The following AKT3 variants were observed in gnomAD, a reference collection of about 807,000 sequenced individuals.
AKT3 encodes the protein AKT serine/threonine kinase 3.
Under a neutral mutation model 65.3 loss-of-function variants are expected in AKT3, and 15 were observed. The ratio of observed to expected loss-of-function variants is 0.23; its 90% CI spans 0.15 to 0.35. The LOEUF is 0.35. Among genes scored for constraint, AKT3 ranks in the 10% least tolerant of loss-of-function variants. The pLI is 1.00. For missense variants in AKT3, 243 were observed against 576.5 expected, an observed-to-expected ratio of 0.42 and a Z score of 5.92; for synonymous variants, 206 against 183.8, an observed-to-expected ratio of 1.12 and a Z score of -0.98.
intron 10 of AKT3, among the ~76,000 whole-genome samples, chr1:243,553,649 G>A (rs1349719010): frequency 6.6e-6 from 1 of 152,058 alleles, no homozygotes; most frequent in Non-Finnish European, 1.5e-5. Context: ...TATCTGTGTG[G>A]TATATGTCCT....
At chr1:243,521,079 T>A (rs949553598) in intron 12 of AKT3, among the ~76,000 whole-genome samples, 1 of 152,194 alleles carries the variant, frequency 6.6e-6, no homozygotes, top group Non-Finnish European at 1.5e-5. Flanking sequence ...CTATCAGATA[T>A]CTATATTCTT....
intron 2 of AKT3, among the ~76,000 whole-genome samples, chr1:243,804,082 A>G (rs1572377949): frequency 6.6e-6 from 1 of 152,214 alleles, no homozygotes; most frequent in Non-Finnish European, 1.5e-5. Flanking sequence ...AGATCCACGC[A>G]TGCCTGAGAT....
intron 4 of AKT3, among the ~76,000 whole-genome samples, chr1:243,646,499 C>T (rs1041573558): frequency 1.2e-4 from 19 of 152,072 alleles, no homozygotes; most frequent in East Asian, 5.8e-4. Flanking sequence ...GGATTACAGG[C>T]GTGTGACACA....
chr1:243,841,161 T>C (rs189705539), intron 2 of AKT3, among the ~76,000 whole-genome samples: 1 of 136,716 alleles, frequency 7.3e-6, no homozygotes, highest in African/African-American at 2.5e-5. Context: ...ATTAGAAAAA[T>C]GATGGCAAAT....
intron 2 of AKT3, among the ~76,000 whole-genome samples, chr1:243,833,938 T>C (rs1694710723): frequency 6.6e-6 from 1 of 151,898 alleles, no homozygotes. Flanking sequence ...TATACGATTT[T>C]TAAAACTGTA....
intron 3 of AKT3, among the ~76,000 whole-genome samples, chr1:243,688,109 A>C (rs927194570): frequency 6.6e-6 from 1 of 152,190 alleles, no homozygotes; most frequent in African/African-American, 2.4e-5. Flanking sequence ...AAATATGTAC[A>C]TCTAATATGT....
intron 6 of AKT3, among the ~76,000 whole-genome samples, chr1:243,637,391 TAAGAG>T (rs1359145253): frequency 1.3e-5 from 2 of 152,080 alleles, no homozygotes; most frequent in African/African-American, 2.4e-5. Flanking sequence ...TCTATTTCCT[TAAGAG>T]AATAGCTTTA....
chr1:243,715,019 A>G (rs1686412962), intron 2 of AKT3, among the ~76,000 whole-genome samples: 1 of 152,126 alleles, frequency 6.6e-6, no homozygotes, highest in Non-Finnish European at 1.5e-5. Flanking sequence ...ACTGGTTTGA[A>G]TTTCTACAGC....
At chr1:243,614,655 A>G (rs952323509) in intron 7 of AKT3, among the ~76,000 whole-genome samples, 1 of 152,160 alleles carries the variant, frequency 6.6e-6, no homozygotes, top group African/African-American at 2.4e-5. Flanking sequence ...TCTATAAAAT[A>G]TATTCGATAA....
chr1:243,515,181 A>C (rs10737888), intron 12 of AKT3, among the ~76,000 whole-genome samples: 53,128 of 152,016 alleles, frequency 0.35, 12,255 homozygotes, highest in African/African-American at 0.66. Context: ...CACAATGGAC[A>C]CACTCATCTG....
chr1:243,645,428 T>C (rs893508004), intron 5 of AKT3, among the ~76,000 whole-genome samples: 2 of 152,190 alleles, frequency 1.3e-5, no homozygotes, highest in African/African-American at 2.4e-5. Flanking sequence ...AGCCATTAAA[T>C]AAGAGTTATT....
At chr1:243,488,650 C>T (rs1436908255) in intron 13 of AKT3, among the ~76,000 whole-genome samples, 1 of 152,198 alleles carries the variant, frequency 6.6e-6, no homozygotes, top group African/African-American at 2.4e-5. Flanking sequence ...CCGGGGCGGC[C>T]GTCTGCTCAG....
At position 243,510,895 on chromosome 1, in the gene AKT3, G is replaced by A. The variant is rs528257836; in HGVS notation, c.1354+1429C>T. 7.9e-4 allele frequency among the ~76,000 whole-genome samples: 120 copies of A among 152,380 alleles called. No homozygotes were observed. The South Asian group carries it at 0.01, about 13-fold the overall frequency. ...GTATGGCAGGAACTGCCCATGGGCC[G>A]ATCCGAAAACTCACTGGTGTTACCC... is the stretch of plus-strand genomic sequence containing the variant. On this transcript the variant is annotated intron_variant, in intron 13 of 13. Transcript: ENST00000673466.
At position 243,493,085 on chromosome 1, in the gene AKT3, C is replaced by G. The variant is rs891385551; in HGVS notation, c.*7-4635G>C. On this transcript the variant is annotated intron_variant, in intron 13 of 13. Coordinates refer to the AKT3 transcript ENST00000336199. ...CCAGCTTTGCCTAGATGCAGTTCCC[C>G]ACACTCTGTATTCCGGGAGGGTCAG... Among the ~76,000 whole-genome samples, 3 of 152,178 alleles carry G rather than the reference C, an allele frequency of 2.0e-5. No individual in the cohort carries two copies. In the South Asian group the frequency reaches 6.2e-4, roughly 32 times the overall value.
intron 3 of AKT3, among the ~76,000 whole-genome samples, chr1:243,681,726 GT>G (rs1221463221): frequency 6.6e-6 from 1 of 152,054 alleles, no homozygotes; most frequent in Non-Finnish European, 1.5e-5. Context: ...TTCAAACCAG[GT>G]GTTAGAGTTC....
intron 3 of AKT3, among the ~76,000 whole-genome samples, chr1:243,691,818 T>A (rs1684710019): frequency 6.6e-6 from 1 of 152,100 alleles, no homozygotes; most frequent in Admixed American, 6.6e-5. Flanking sequence ...CCTAGAGATT[T>A]AAGTGTGGGA....
intron 2 of AKT3, among the ~76,000 whole-genome samples, chr1:243,832,999 C>G (rs1045635462): frequency 1.3e-5 from 2 of 152,138 alleles, no homozygotes; most frequent in Non-Finnish European, 2.9e-5. Context: ...GTGGCTCACA[C>G]CTGTAAATCC....
At chr1:243,631,487 C>T (rs139229684) in intron 6 of AKT3, among the ~76,000 whole-genome samples, 231 of 152,292 alleles carry the variant, frequency 1.5e-3, no homozygotes, top group Middle Eastern at 0.01. Context: ...CAAGGTTTCA[C>T]CATATTGGCC....
At chr1:243,526,521 A>G (rs546656182) in intron 12 of AKT3, among the ~76,000 whole-genome samples, 1 of 152,252 alleles carries the variant, frequency 6.6e-6, no homozygotes, top group South Asian at 2.1e-4. Flanking sequence ...TAAATAGCAA[A>G]AGGAATCCTG....
Sources: gnomAD v4.1 joint callset for allele counts (sites outside exome capture counted in the v4.1 genomes callset) on GRCh38, gnomAD v4.1.1 for gene constraint, MANE v1.5 for transcripts, NCBI Gene and HGNC (gene_info 2026-07-23, HGNC 2026-07-21) for gene names.